The following BICC1 variants were observed in gnomAD, a reference collection of about 807,000 sequenced individuals.
BICC1 encodes the protein BicC family RNA binding protein 1.
Under a neutral mutation model 111.0 loss-of-function variants are expected in BICC1, and 43 were observed. The ratio of observed to expected loss-of-function variants is 0.39; its 90% CI spans 0.30 to 0.50. The LOEUF (loss-of-function observed/expected upper bound fraction) is 0.50. BICC1 is among the 20% of genes least tolerant of loss of function. The pLI, the probability that BICC1 is intolerant of heterozygous loss-of-function variation, is 0.88. For synonymous variants in BICC1, 467 were observed against 434.4 expected (o/e 1.07, Z -0.93); for missense variants, 1,091 against 1,203.2 (o/e 0.91, Z 1.38).
rs902960801 is a variant in BICC1 at position 58,590,228 on chromosome 10, A to G, written c.191-30627A>G. Among the ~76,000 whole-genome samples the G allele has an allele frequency of 4.6e-5, 7 of 152,288 alleles. No homozygotes were observed. The Middle Eastern group carries it at 0.01, about 222-fold the overall frequency. On this transcript the variant is annotated intron_variant, in intron 1 of 20. Transcript: ENST00000373886. The stretch of plus-strand genomic sequence containing the variant: ...CTTTTATACATAAGTTGCCAAAACC[A>G]GTGCTGTTGCTGACTAAGGACTAAG...
At chr10:58,566,867 G>T (rs1421412707) in intron 1 of BICC1, among the ~76,000 whole-genome samples, 1 of 152,104 alleles carries the variant, frequency 6.6e-6, no homozygotes, top group African/African-American at 2.4e-5. Context: ...ATTTCAGCAA[G>T]CTTGCTTACC....
intron 1 of BICC1, among the ~76,000 whole-genome samples, chr10:58,541,695 G>GA (rs991159351): frequency 1.0e-4 from 15 of 150,538 alleles, no homozygotes; most frequent in Admixed American, 2.6e-4. Flanking sequence ...TGCAGAAATA[G>GA]AAAAAAAAAT....
intron 3 of BICC1, 38 bp from the exon 4 acceptor site, chr10:58,784,963 T>C (rs1842969663): frequency 8.7e-7 from 1 of 1,151,224 alleles, no homozygotes; most frequent in African/African-American, 1.6e-5. Context: ...AAACAGAGTT[T>C]GGGAGTTTCA....
At chr10:58,576,921 A>G (rs1281505388) in intron 1 of BICC1, among the ~76,000 whole-genome samples, 1 of 152,190 alleles carries the variant, frequency 6.6e-6, no homozygotes, top group East Asian at 1.9e-4. Context: ...GGATTCTTAC[A>G]TAGTTGTTTT....
At chr10:58,686,548 G>A (rs1281407993) in intron 2 of BICC1, among the ~76,000 whole-genome samples, 1 of 152,028 alleles carries the variant, frequency 6.6e-6, no homozygotes, top group East Asian at 1.9e-4. Context: ...GTATTTCTTG[G>A]AGGCTTTGTT....
intron 1 of BICC1, among the ~76,000 whole-genome samples, chr10:58,601,469 T>C (rs1845038695): frequency 6.6e-6 from 1 of 151,864 alleles, no homozygotes; most frequent in South Asian, 2.1e-4. Flanking sequence ...TAAATTTTCT[T>C]AATTCCCATA....
intron 3 of BICC1, among the ~76,000 whole-genome samples, chr10:58,783,968 G>A (rs1298378224): frequency 6.6e-6 from 1 of 152,052 alleles, no homozygotes; most frequent in African/African-American, 2.4e-5. Flanking sequence ...CCCACCCTGA[G>A]GCTTTGGCTC....
At chr10:58,610,652 A>G (rs1420549982) in intron 1 of BICC1, among the ~76,000 whole-genome samples, 1 of 151,506 alleles carries the variant, frequency 6.6e-6, no homozygotes, top group Non-Finnish European at 1.5e-5. Flanking sequence ...GCCCTTTTAT[A>G]ATGGGGTAAA....
rs1393879012 is a variant in BICC1, at chr10:58,760,693, A to G, written c.308-24308A>G. ...GAATCTTATTAATGGAGAACTAGGA[A>G]GATGTCATAACCATTCAAAGGAGAA... On this transcript the variant is annotated intron_variant, in intron 3 of 20. Transcript: ENST00000373886. 3.3e-5 allele frequency among the ~76,000 whole-genome samples: 5 copies of G among 152,160 alleles called. No individual in the cohort carries two copies. In the East Asian group the frequency reaches 9.6e-4, roughly 29 times the overall value.
chr10:58,693,875 A>G (rs1839990595), intron 2 of BICC1, among the ~76,000 whole-genome samples: 1 of 151,914 alleles, frequency 6.6e-6, no homozygotes, highest in African/African-American at 2.4e-5. Context: ...ATTAGATCCC[A>G]TTTGTCAATT....
At chr10:58,788,558 T>G (rs976833386) in intron 6 of BICC1, 135 bp downstream of exon 6, 19 of 583,354 alleles carry the variant, frequency 3.3e-5, no homozygotes, top group Non-Finnish European at 5.4e-5. Flanking sequence ...AAAGTTATTT[T>G]AGTGTCTATC....
At chr10:58,588,844 C>T (rs185690806) in intron 1 of BICC1, among the ~76,000 whole-genome samples, 1 of 152,310 alleles carries the variant, frequency 6.6e-6, no homozygotes. Context: ...GATGGCATAG[C>T]AGACTTGGCC....
At chr10:58,782,943 T>C (rs1459632015) in intron 3 of BICC1, among the ~76,000 whole-genome samples, 1 of 152,192 alleles carries the variant, frequency 6.6e-6, no homozygotes, top group African/African-American at 2.4e-5. Context: ...TGGTTCTTGT[T>C]AGGATGCATT....
intron 1 of BICC1, among the ~76,000 whole-genome samples, chr10:58,547,874 G>A (rs996340127): frequency 3.3e-5 from 5 of 152,018 alleles, no homozygotes; most frequent in African/African-American, 1.2e-4. Context: ...AGATGCTCAT[G>A]CACATCTTGT....
chr10:58,701,892 G>T (rs1385240078), intron 2 of BICC1, among the ~76,000 whole-genome samples, 182 bp from the exon 3 acceptor site: 1 of 151,700 alleles, frequency 6.6e-6, no homozygotes, highest in Admixed American at 6.6e-5. Flanking sequence ...TAGATTAAAG[G>T]CTTATAAAAA....
intron 1 of BICC1, among the ~76,000 whole-genome samples, chr10:58,526,333 A>G (rs970441731): frequency 6.6e-6 from 1 of 151,888 alleles, no homozygotes; most frequent in South Asian, 2.1e-4. Context: ...GTGGAGATGT[A>G]TCATAGCTGA....
At chr10:58,678,203 C>T (rs745322103) in intron 2 of BICC1, among the ~76,000 whole-genome samples, 7 of 152,158 alleles carry the variant, frequency 4.6e-5, no homozygotes, top group Non-Finnish European at 8.8e-5. Flanking sequence ...ACAATATTAA[C>T]CTTAAATGTA....
intron 3 of BICC1, chr10:58,715,694 A>G (rs1840718468): frequency 6.3e-7 from 1 of 1,588,644 alleles, no homozygotes; most frequent in African/African-American, 1.3e-5. Context: ...TAAAAGAGCA[A>G]CTAGAAAAGA....
At chr10:58,617,451 C>T (rs1781796484) in intron 1 of BICC1, among the ~76,000 whole-genome samples, 1 of 152,220 alleles carries the variant, frequency 6.6e-6, no homozygotes, top group Admixed American at 6.5e-5. Context: ...GGTCTTGGGA[C>T]TTGTAGTCCT....
Sources: gnomAD v4.1 joint callset for allele counts (sites outside exome capture counted in the v4.1 genomes callset) on GRCh38, gnomAD v4.1.1 for gene constraint, MANE v1.5 for transcripts, NCBI Gene and HGNC (gene_info 2026-07-23, HGNC 2026-07-21) for gene names.